The following RNGTT variants were observed in gnomAD, a reference collection of about 807,000 sequenced individuals.
The protein encoded by RNGTT is RNA guanylyltransferase and 5'-phosphatase, also known as mRNA-capping enzyme.
In RNGTT, 33 loss-of-function variants were observed where a neutral mutation model predicts 79.3. The ratio of observed to expected loss-of-function variants is 0.42; its 90% confidence interval spans 0.32 to 0.56. The LOEUF (loss-of-function observed/expected upper bound fraction) is 0.56, where lower values mean the gene tolerates loss of function less well. Ranked by LOEUF, RNGTT falls within the 20% of genes least tolerant of loss-of-function variation. RNGTT has a pLI of 0.17. For missense variants in RNGTT, 497 were observed against 739.1 expected, an observed-to-expected ratio of 0.67 and a Z score of 3.80; for synonymous variants, 222 against 235.9, an observed-to-expected ratio of 0.94 and a Z score of 0.54.
rs116163791 is a variant in RNGTT at position 88,885,002 on chromosome 6, G to A, written c.896+5493C>T. Among the ~76,000 whole-genome samples, 690 of 151,982 alleles carry A rather than the reference G, an allele frequency of 4.5e-3. 5 individuals are homozygous for A. Among genetic ancestry groups the A allele is most frequent in the African/African-American group, 0.015 (634 of 41,434 alleles). Reference sequence around the variant, plus strand: ...AAAAAATTCAATAAATCCTATGGCAGTGCATTAGATTTGGAAGTATCAGTA... The same window carrying A: ...AAAAAATTCAATAAATCCTATGGCAATGCATTAGATTTGGAAGTATCAGTA... On this transcript the variant is annotated intron_variant, in intron 8 of 15. Coordinates refer to ENST00000369485, the MANE Select transcript of RNGTT (RefSeq NM_003800.5).
chr6:88,652,489 T>A (rs1773833739), intron 14 of RNGTT, among the ~76,000 whole-genome samples: 2 of 152,132 alleles, frequency 1.3e-5, no homozygotes, highest in African/African-American at 4.8e-5. Context: ...TTTTAGAAAA[T>A]TAAAGATCCC....
chr6:88,922,000 G>T (rs1257086066), intron 4 of RNGTT, among the ~76,000 whole-genome samples: 1 of 151,902 alleles, frequency 6.6e-6, no homozygotes, highest in Non-Finnish European at 1.5e-5. Flanking sequence ...ATCTGAGGGG[G>T]ATCCTAGAAC....
chr6:88,786,362 CTT>C (rs1779229623), intron 12 of RNGTT, among the ~76,000 whole-genome samples: 1 of 152,154 alleles, frequency 6.6e-6, no homozygotes, highest in Non-Finnish European at 1.5e-5. Flanking sequence ...TTACTACCAA[CTT>C]TGTAAATTAA....
chr6:88,803,523 G>C (rs542255295), intron 11 of RNGTT, among the ~76,000 whole-genome samples: 5 of 142,366 alleles, frequency 3.5e-5, no homozygotes, highest in Non-Finnish European at 7.4e-5. Context: ...GTTGCAGTGA[G>C]CCAAGATTGT....
chr6:88,843,351 G>A (rs1781366423), intron 11 of RNGTT, among the ~76,000 whole-genome samples: 1 of 151,846 alleles, frequency 6.6e-6, no homozygotes, highest in Non-Finnish European at 1.5e-5. Flanking sequence ...TAATAGCAAA[G>A]GACTAGAAGC....
At chr6:88,670,787 A>C (rs937275820) in intron 14 of RNGTT, among the ~76,000 whole-genome samples, 9 of 152,094 alleles carry the variant, frequency 5.9e-5, no homozygotes, top group African/African-American at 2.2e-4. Flanking sequence ...TGACCCTTTC[A>C]CGTGGACCCC....
At chr6:88,625,925 T>C (rs566897348) in intron 14 of RNGTT, among the ~76,000 whole-genome samples, 2 of 152,040 alleles carry the variant, frequency 1.3e-5, no homozygotes, top group East Asian at 1.9e-4. Context: ...TTATCTATCA[T>C]TGTAAGTTAT....
At chr6:88,877,604 T>C (rs571938315) in intron 8 of RNGTT, among the ~76,000 whole-genome samples, 3 of 152,210 alleles carry the variant, frequency 2.0e-5, no homozygotes, top group Non-Finnish European at 4.4e-5. Context: ...CCCCATATGC[T>C]TTCCTCAATT....
At chr6:88,724,024 C>T (rs751129459) in intron 13 of RNGTT, among the ~76,000 whole-genome samples, 41 of 151,882 alleles carry the variant, frequency 2.7e-4, no homozygotes, top group Non-Finnish European at 5.6e-4. Context: ...CGCGCTCAGC[C>T]GTGTTTGGGT....
intron 13 of RNGTT, among the ~76,000 whole-genome samples, chr6:88,682,599 T>C (rs1427653169): frequency 6.6e-6 from 1 of 152,172 alleles, no homozygotes; most frequent in Non-Finnish European, 1.5e-5. Flanking sequence ...AATTTCCAAC[T>C]TTTATTTTAA....
chr6:88,925,746 G>A (rs77617408), intron 4 of RNGTT, among the ~76,000 whole-genome samples: 1,853 of 152,238 alleles, frequency 0.012, 21 homozygotes, highest in African/African-American at 0.033. Flanking sequence ...GTGCAGTGGT[G>A]CACGTAGTCC....
intron 13 of RNGTT, among the ~76,000 whole-genome samples, chr6:88,713,797 A>G (rs1046115890): frequency 3.9e-5 from 6 of 152,160 alleles, no homozygotes; most frequent in African/African-American, 1.4e-4. Context: ...GAAACAGGAG[A>G]TATGATAATG....
chr6:88,760,183 G>C (rs1264281289), intron 13 of RNGTT, among the ~76,000 whole-genome samples: 1 of 152,154 alleles, frequency 6.6e-6, no homozygotes, highest in Non-Finnish European at 1.5e-5. Context: ...AAAGCCACAT[G>C]CTCCTTTTCT....
At chr6:88,750,847 A>G (rs1777817304) in intron 13 of RNGTT, among the ~76,000 whole-genome samples, 1 of 151,770 alleles carries the variant, frequency 6.6e-6, no homozygotes, top group Non-Finnish European at 1.5e-5. Flanking sequence ...TTTACCTTAC[A>G]TTTTTTCTGT....
chr6:88,708,012 T>G (rs1776196771), intron 13 of RNGTT, among the ~76,000 whole-genome samples: 1 of 151,566 alleles, frequency 6.6e-6, no homozygotes, highest in African/African-American at 2.4e-5. Context: ...TTTCGAGGAG[T>G]GGACCAGAGA....
intron 14 of RNGTT, 190 bp downstream of exon 14, chr6:88,678,163 A>G (rs1158553122): frequency 8.3e-7 from 1 of 1,201,606 alleles, no homozygotes; most frequent in Non-Finnish European, 1.0e-6. Context: ...ATGACAAAAA[A>G]TTTTTCTTTT....
chr6:88,853,796 A>G, intron 8 of RNGTT, 32 bp from the exon 9 acceptor site: 1 of 1,382,976 alleles, frequency 7.2e-7, no homozygotes, highest in Non-Finnish European at 1.0e-6. Flanking sequence ...GCTAATATTT[A>G]CAGTATAATA....
intron 13 of RNGTT, among the ~76,000 whole-genome samples, chr6:88,702,674 C>CA (rs1359151367): frequency 2.0e-5 from 3 of 152,096 alleles, no homozygotes; most frequent in Admixed American, 2.0e-4. Flanking sequence ...ATTAAGTCCT[C>CA]AAAAGCAATT....
intron 1 of RNGTT, among the ~76,000 whole-genome samples, chr6:88,962,997 T>C (rs1434398781): frequency 6.6e-6 from 1 of 152,032 alleles, no homozygotes; most frequent in Non-Finnish European, 1.5e-5. Flanking sequence ...AATACTGATA[T>C]TCATCCCTTC....
Sources: gnomAD v4.1 joint callset for allele counts (sites outside exome capture counted in the v4.1 genomes callset) on GRCh38, gnomAD v4.1.1 for gene constraint, MANE v1.5 for transcripts, NCBI Gene and HGNC (gene_info 2026-07-23, HGNC 2026-07-21) for gene names.